SHISA9: variants seen among roughly 807,000 people sequenced by gnomAD.
SHISA9 encodes shisa family member 9.
In SHISA9, 13 loss-of-function variants were observed where a neutral mutation model predicts 38.0. The observed-to-expected ratio is 0.34, with a 90% CI of 0.22 to 0.54. SHISA9 has a LOEUF of 0.54. SHISA9 is among the 20% of genes least tolerant of loss of function. The pLI is 0.91. For synonymous variants in SHISA9, 275 were observed against 242.0 expected (o/e 1.14, Z -1.27); for missense variants, 538 against 575.8 (o/e 0.93, Z 0.67).
At chr16:13,317,132 A>G in the SHISA9 span, among the ~76,000 whole-genome samples, 1 of 152,182 alleles carries the variant, frequency 6.6e-6, no homozygotes, top group Non-Finnish European at 1.5e-5. Flanking sequence ...TCTGGTTGGG[A>G]ACAGCAGAAA....
the SHISA9 span, among the ~76,000 whole-genome samples, chr16:13,354,658 C>T: frequency 4.0e-5 from 6 of 150,662 alleles, no homozygotes; most frequent in East Asian, 2.1e-4. Context: ...AGCCGCTGCA[C>T]GCACACATGA....
chr16:13,498,351 A>C, the SHISA9 span, among the ~76,000 whole-genome samples: 23 of 152,372 alleles, frequency 1.5e-4, no homozygotes, highest in East Asian at 4.4e-3. Flanking sequence ...GGTCAACTAC[A>C]TACATTGCAG....
chr16:12,927,419 G>A (rs1032159367), intron 2 of SHISA9, among the ~76,000 whole-genome samples: 3 of 152,104 alleles, frequency 2.0e-5, no homozygotes, highest in African/African-American at 7.2e-5. Context: ...TTTATCTGGT[G>A]ACAGGGTCTT....
At chr16:13,285,170 C>A in the SHISA9 span, among the ~76,000 whole-genome samples, 1 of 152,068 alleles carries the variant, frequency 6.6e-6, no homozygotes, top group Admixed American at 6.6e-5. Flanking sequence ...CAGGTGTTTT[C>A]ATTTCCTTAG....
At chr16:13,399,635 C>G in the SHISA9 span, among the ~76,000 whole-genome samples, 1 of 152,194 alleles carries the variant, frequency 6.6e-6, no homozygotes, top group Non-Finnish European at 1.5e-5. Context: ...TCTTGCATTT[C>G]ATTGGGCACA....
the SHISA9 span, among the ~76,000 whole-genome samples, chr16:13,333,400 G>A: frequency 4.6e-5 from 7 of 152,142 alleles, no homozygotes; most frequent in South Asian, 4.1e-4. Flanking sequence ...ATTCAAGCTC[G>A]TCCTTGGGTG....
chr16:13,144,121 G>A (rs1330055091), intron 2 of SHISA9, among the ~76,000 whole-genome samples: 1 of 147,796 alleles, frequency 6.8e-6, no homozygotes, highest in Non-Finnish European at 1.5e-5. Context: ...TAATATCCTA[G>A]TATGGGAGAT....
chr16:13,110,052 A>T (rs1291853183), intron 2 of SHISA9, among the ~76,000 whole-genome samples: 1 of 152,142 alleles, frequency 6.6e-6, no homozygotes, highest in African/African-American at 2.4e-5. Flanking sequence ...TATTAAGATT[A>T]TATTCAACTT....
chr16:13,329,383 C>T, the SHISA9 span, among the ~76,000 whole-genome samples: 1 of 152,170 alleles, frequency 6.6e-6, no homozygotes, highest in African/African-American at 2.4e-5. Flanking sequence ...AGACGATGAA[C>T]CCTGGGTATT....
the SHISA9 span, among the ~76,000 whole-genome samples, chr16:13,304,890 A>G: frequency 1.3e-3 from 194 of 152,366 alleles, no homozygotes; most frequent in African/African-American, 4.0e-3. Context: ...TATAGCACAA[A>G]GAACTGAAGG....
chr16:12,902,336 G>A lies in SHISA9; in HGVS notation c.272G>A (p.Ser91Asn). The change falls in exon 1 of 5, where the codon AGC becomes AAC. Residue 91 changes from serine to asparagine, a missense_variant. Ser to Asn is a conservative substitution (Grantham distance 46, BLOSUM62 1). This residue lies in a region of SHISA9 where 17 missense variants were observed against 57.2 expected (regional missense o/e 0.30). Transcript: ENST00000558583. ...CAGTGGGACCCGCCGTTCAACTGCA[G>A]CTCGGGCGACTTCATCTTCTGCTGC... ...MGQWDPPFNC[S>N]SGDFIFCCGT... 1 of 1,551,410 alleles carries A rather than the reference G, an allele frequency of 6.4e-7. No homozygotes were observed. The highest frequency in any genetic ancestry group is 8.7e-7 in the Non-Finnish European group (1 of 1,146,996).
chr16:13,094,277 A>G (rs1279882125), intron 2 of SHISA9, among the ~76,000 whole-genome samples: 1 of 152,144 alleles, frequency 6.6e-6, no homozygotes, highest in African/African-American at 2.4e-5. Context: ...AAAACAGGCA[A>G]CTTCCCATCC....
chr16:13,411,203 T>C, the SHISA9 span, among the ~76,000 whole-genome samples: 1 of 152,132 alleles, frequency 6.6e-6, no homozygotes, highest in East Asian at 1.9e-4. Context: ...AGTGAGATAA[T>C]GAATAGTGGA....
chr16:13,363,311 C>T, the SHISA9 span, among the ~76,000 whole-genome samples: 7 of 152,162 alleles, frequency 4.6e-5, no homozygotes, highest in Non-Finnish European at 8.8e-5. Context: ...AAAGGTTTTT[C>T]TTGAGGAAGA....
In SHISA9 at chr16:13,201,374, A is replaced by G. The variant is rs2051004832; in HGVS notation, c.692-2020A>G. On this transcript the variant is annotated intron_variant, in intron 2 of 4. Transcript: ENST00000558583. ...AGATTACTTATAATACTAGTACAAC[A>G]CAGATGTTATGTAAATAGTTGTTAC... Among the ~76,000 whole-genome samples, 2 of 136,000 alleles carry G rather than the reference A, an allele frequency of 1.5e-5. 1 individual carries two copies. Among genetic ancestry groups the G allele is most frequent in the African/African-American group, 5.8e-5 (2 of 34,674 alleles). 89.2% of individuals were successfully genotyped at this position (136,000 alleles called of 152,430 possible).
intron 3 of SHISA9, among the ~76,000 whole-genome samples, chr16:13,206,338 C>G (rs1289458215): frequency 6.6e-6 from 1 of 152,176 alleles, no homozygotes; most frequent in Non-Finnish European, 1.5e-5. Flanking sequence ...TTTTCTCCCC[C>G]CACTGCCAAG....
the SHISA9 span, among the ~76,000 whole-genome samples, chr16:13,468,646 G>A: frequency 3.9e-5 from 6 of 152,070 alleles, no homozygotes; most frequent in Admixed American, 6.6e-5. Context: ...GAGAACTCTA[G>A]GAGGTGAATC....
the SHISA9 span, among the ~76,000 whole-genome samples, chr16:13,480,922 G>A: frequency 6.6e-6 from 1 of 152,186 alleles, no homozygotes; most frequent in Non-Finnish European, 1.5e-5. Context: ...TCAGAAACAA[G>A]TCTGTTCAGT....
intron 1 of SHISA9, 47 bp downstream of exon 1, chr16:12,902,674 GCTCT>G: frequency 6.8e-7 from 1 of 1,477,304 alleles, no homozygotes; most frequent in Non-Finnish European, 9.0e-7. Context: ...CGCTCTCCCT[GCTCT>G]CTCCTCCCCA....
Sources: gnomAD v4.1 joint callset for allele counts (sites outside exome capture counted in the v4.1 genomes callset) on GRCh38, gnomAD v4.1.1 for gene constraint, gnomAD v4.1.1 regional missense constraint, MANE v1.5 for transcripts, NCBI Gene and HGNC (gene_info 2026-07-23, HGNC 2026-07-21) for gene names.